PCDHGA4: variants seen among roughly 807,000 people sequenced by gnomAD.
PCDHGA4 encodes protocadherin gamma-A4.
PCDHGA4 carries 38 observed loss-of-function variants against 54.6 expected under a neutral mutation model. That is an observed-to-expected ratio of 0.70 (90% CI 0.54 to 0.91). PCDHGA4 has a LOEUF of 0.91. Among genes scored for constraint, PCDHGA4 ranks in the 40% least tolerant of loss-of-function variants. The probability of loss-of-function intolerance (pLI) is 0.00; values close to 1 mark genes in which losing one functional copy is unlikely to be tolerated. For missense variants in PCDHGA4, 1,298 were observed against 1,220.9 expected, an observed-to-expected ratio of 1.06 and a Z score of -0.94; for synonymous variants, 511 against 512.9, an observed-to-expected ratio of 1.00 and a Z score of 0.05.
intron 1 of PCDHGA4, chr5:141,375,289 T>C (rs760342816): frequency 6.2e-7 from 1 of 1,613,842 alleles, no homozygotes; most frequent in South Asian, 1.1e-5. Flanking sequence ...GCAATTATTA[T>C]CGATTAGTGA....
chr5:141,393,752 AT>A, intron 1 of PCDHGA4: 1 of 1,613,942 alleles, frequency 6.2e-7, no homozygotes, highest in Non-Finnish European at 8.5e-7. Flanking sequence ...AAGAATGTTC[AT>A]TTTATGAAAT....
At chr5:141,400,431 A>T (rs542969819) in intron 1 of PCDHGA4, 1 of 1,614,034 alleles carries the variant, frequency 6.2e-7, no homozygotes. Context: ...GTAGTGAGCA[A>T]TTGAGTTCAG....
intron 2 of PCDHGA4, among the ~76,000 whole-genome samples, chr5:141,501,026 G>A (rs1053442173): frequency 7.9e-5 from 12 of 151,608 alleles, no homozygotes; most frequent in Non-Finnish European, 1.5e-4. Flanking sequence ...GCGCCACCAC[G>A]CCCAGCTAAT....
chr5:141,471,977 A>G (rs1487329441), intron 1 of PCDHGA4, among the ~76,000 whole-genome samples: 1 of 152,212 alleles, frequency 6.6e-6, no homozygotes, highest in Non-Finnish European at 1.5e-5. Context: ...ATTACTGTAT[A>G]AATTTATTAA....
rs1369885951 is a variant in PCDHGA4, at chr5:141,355,859, C to T, written c.752C>T (p.Pro251Leu). ...LVLTAFDGGD[P>L]VRSGTARILI... ...CTCACGGCCTTCGATGGAGGTGACC[C>T]GGTTCGCTCTGGCACTGCCAGGATT... The change falls in exon 1 of 4, where the codon CCG (proline) becomes CTG (leucine). Residue 251 changes from proline (P) to leucine (L), a missense_variant. Physicochemically the swap from Pro to Leu is moderately conservative, Grantham distance 98. Coordinates refer to ENST00000571252, the MANE Select transcript of PCDHGA4 (RefSeq NM_018917.4). 7 of 1,612,322 alleles carry T rather than the reference C, an allele frequency of 4.3e-6. No homozygotes were observed. Among genetic ancestry groups the T allele is most frequent in the Non-Finnish European group, 5.9e-6 (7 of 1,179,106 alleles).
At chr5:141,406,567 T>A (rs1270084196) in intron 1 of PCDHGA4, among the ~76,000 whole-genome samples, 2 of 152,224 alleles carry the variant, frequency 1.3e-5, no homozygotes, top group African/African-American at 4.8e-5. Context: ...TTCCAAACCC[T>A]AGTAAACCAA....
chr5:141,390,103 A>G (rs757288667), intron 1 of PCDHGA4: 2 of 1,613,996 alleles, frequency 1.2e-6, no homozygotes, highest in South Asian at 1.1e-5. Flanking sequence ...GTTCCCCCCA[A>G]CTACAGCGAG....
intron 1 of PCDHGA4, among the ~76,000 whole-genome samples, chr5:141,443,812 G>A (rs1441798548): frequency 6.6e-6 from 1 of 151,990 alleles, no homozygotes; most frequent in Admixed American, 6.6e-5. Flanking sequence ...AGTTACCTTT[G>A]GAAAACATAA....
At chr5:141,369,597 A>G (rs1199462765) in intron 1 of PCDHGA4, among the ~76,000 whole-genome samples, 1 of 152,230 alleles carries the variant, frequency 6.6e-6, no homozygotes, top group Non-Finnish European at 1.5e-5. Context: ...CTATACTTCT[A>G]TTTTATAAGG....
At chr5:141,399,041 T>A (rs375762745) in intron 1 of PCDHGA4, 150 of 1,613,746 alleles carry the variant, frequency 9.3e-5, no homozygotes, top group Non-Finnish European at 1.2e-4. Context: ...AAACTGGATT[T>A]TGAAGAGACC....
intron 1 of PCDHGA4, chr5:141,430,688 A>G: frequency 1.4e-6 from 2 of 1,402,360 alleles, no homozygotes; most frequent in Non-Finnish European, 1.9e-6. Context: ...GTCCCATTCT[A>G]TGGGCGAAGG....
Position 141,362,628 on chromosome 5 carries a change from C to A in PCDHGA4, c.2514+5007C>A, listed in dbSNP as rs1366089431. ...CTAATTTGGGTAGGAAGTTCCACTG[C>A]GTATTTCTTTGTCTGTGAGTTAGAT... On this transcript the variant is annotated intron_variant, in intron 1 of 3. Transcript: ENST00000571252. 5 of 1,498,628 alleles carry A rather than the reference C, an allele frequency of 3.3e-6. No homozygotes were observed. In the East Asian group the frequency reaches 1.2e-4, roughly 35 times the overall value. 92.8% of individuals were successfully genotyped at this position (1,498,628 alleles called of 1,614,324 possible).
chr5:141,388,923 T>C (rs374663443), intron 1 of PCDHGA4: 7 of 1,614,002 alleles, frequency 4.3e-6, no homozygotes, highest in East Asian at 2.2e-5. Context: ...AGAAGTGATA[T>C]TCCAGTCTCT....
chr5:141,367,589 A>G (rs1467826707), intron 1 of PCDHGA4: 1 of 152,062 alleles, frequency 6.6e-6, no homozygotes, highest in African/African-American at 2.4e-5. Flanking sequence ...AAAAGTAGAT[A>G]AAATTTATAT....
At chr5:141,443,713 A>G (rs774603084) in intron 1 of PCDHGA4, among the ~76,000 whole-genome samples, 19 of 152,246 alleles carry the variant, frequency 1.2e-4, no homozygotes, top group Admixed American at 8.5e-4. Flanking sequence ...ACATTTGCAT[A>G]TAAAATTCCT....
chr5:141,413,747 A>G (rs1208637349), intron 1 of PCDHGA4: 7 of 1,613,230 alleles, frequency 4.3e-6, no homozygotes, highest in African/African-American at 4.0e-5. Flanking sequence ...AGCCGTGCCA[A>G]TGGCGTCAAG....
chr5:141,489,894 G>T lies in PCDHGA4; in HGVS notation c.2515-4913G>T. 1.2e-6 allele frequency: 2 copies of T among 1,614,204 alleles called. No homozygotes were observed. Among genetic ancestry groups the T allele is most frequent in the Non-Finnish European group, 1.7e-6 (2 of 1,180,028 alleles). The stretch of plus-strand genomic sequence containing the variant: ...TGGTGCTTACTGCTGTGGATGGGGG[G>T]ACCCCAGCCCGCTCAGGGACCACCC... On this transcript the variant is annotated intron_variant, in intron 1 of 3. Transcript: ENST00000571252. The surrounding 1 kb of genome is among the most constrained non-coding windows in gnomAD (Gnocchi z 4.5).
intron 2 of PCDHGA4, among the ~76,000 whole-genome samples, chr5:141,497,879 G>A (rs62379207): frequency 4.6e-4 from 70 of 152,244 alleles, no homozygotes; most frequent in Non-Finnish European, 8.2e-4. Flanking sequence ...TGAAATAAGC[G>A]TTAGGATCTA....
intron 1 of PCDHGA4, chr5:141,383,141 G>A (rs781049830): frequency 1.2e-6 from 2 of 1,614,134 alleles, no homozygotes; most frequent in Admixed American, 1.7e-5. Flanking sequence ...AACCAGCGCA[G>A]CGGCAGCTTG....
Sources: gnomAD v4.1 joint callset for allele counts (sites outside exome capture counted in the v4.1 genomes callset) on GRCh38, gnomAD v4.1.1 for gene constraint, Gnocchi (gnomAD v3.1) non-coding constraint, MANE v1.5 for transcripts, NCBI Gene and HGNC (gene_info 2026-07-23, HGNC 2026-07-21) for gene names.